Variants in ARHGAP21 observed in about 807,000 individuals in gnomAD.
The protein encoded by ARHGAP21 is rho GTPase-activating protein 21.
ARHGAP21 carries 38 observed loss-of-function variants against 164.6 expected under a neutral mutation model. The observed-to-expected ratio is 0.23, with a 90% CI of 0.18 to 0.30. The LOEUF (loss-of-function observed/expected upper bound fraction) is 0.30, where lower values mean the gene tolerates loss of function less well. Among genes scored for constraint, ARHGAP21 ranks in the 10% least tolerant of loss-of-function variants. The probability of loss-of-function intolerance (pLI) is 1.00; values close to 1 mark genes in which losing one functional copy is unlikely to be tolerated. For missense variants in ARHGAP21, 1,822 were observed against 2,370.7 expected (o/e 0.77, Z 4.81); for synonymous variants, 766 against 857.9 (o/e 0.89, Z 1.87).
intron 1 of ARHGAP21, 74 bp downstream of exon 1, chr10:24,723,488 G>T (rs1163663946): frequency 4.1e-5 from 6 of 147,238 alleles, no homozygotes; most frequent in Admixed American, 1.3e-4. Context: ...GAGAGCCCGC[G>T]GCAAGCCGGG....
chr10:24,701,755 G>A (rs1843691318), intron 2 of ARHGAP21, among the ~76,000 whole-genome samples: 1 of 152,172 alleles, frequency 6.6e-6, no homozygotes, highest in East Asian at 1.9e-4. Context: ...AGCCTCTGGT[G>A]GACTCTGGTA....
chr10:24,642,325 C>T (rs903157911), intron 4 of ARHGAP21, among the ~76,000 whole-genome samples: 2 of 151,792 alleles, frequency 1.3e-5, no homozygotes, highest in African/African-American at 4.8e-5. Context: ...ACCATCCTGG[C>T]TAACACGGTG....
intron 11 of ARHGAP21, among the ~76,000 whole-genome samples, chr10:24,606,732 T>C (rs1332810415): frequency 6.6e-6 from 1 of 152,108 alleles, no homozygotes; most frequent in Non-Finnish European, 1.5e-5. Context: ...TCCCAGCTAC[T>C]TGGGAGGCTG....
At chr10:24,597,726 T>C (rs2076645258) in intron 15 of ARHGAP21, 143 bp from the exon 16 acceptor site, 1 of 1,307,748 alleles carries the variant, frequency 7.6e-7, no homozygotes, top group African/African-American at 1.5e-5. Context: ...AATTTTGTAG[T>C]CCTGCCCAGA....
intron 2 of ARHGAP21, among the ~76,000 whole-genome samples, chr10:24,697,459 TC>T (rs1843273909): frequency 6.6e-6 from 1 of 152,172 alleles, no homozygotes; most frequent in Non-Finnish European, 1.5e-5. Flanking sequence ...TCCCCTCGTT[TC>T]CTTTCAGTTC....
chr10:24,612,885 T>G (rs1243077088), intron 9 of ARHGAP21, among the ~76,000 whole-genome samples: 4 of 137,548 alleles, frequency 2.9e-5, no homozygotes, highest in Non-Finnish European at 6.3e-5. Context: ...ATAAATAAAT[T>G]CAAATGTGAC....
intron 6 of ARHGAP21, 145 bp from the exon 7 acceptor site, chr10:24,630,195 C>T: frequency 2.1e-6 from 1 of 473,980 alleles, no homozygotes; most frequent in Non-Finnish European, 3.7e-6. Flanking sequence ...AAAATCAAAT[C>T]ATTAGAATGA....
chr10:24,702,680 C>T (rs1288386319), intron 2 of ARHGAP21, among the ~76,000 whole-genome samples: 2 of 151,958 alleles, frequency 1.3e-5, no homozygotes, highest in East Asian at 1.9e-4. Flanking sequence ...TCCACTTCCC[C>T]GGCTCAAGCA....
At chr10:24,590,541 A>AAAAC in intron 24 of ARHGAP21, 1 of 1,514,604 alleles carries the variant, frequency 6.6e-7, no homozygotes, top group Non-Finnish European at 8.8e-7. Context: ...CTTTAGGACT[A>AAAAC]AAACAAGAAC....
At chr10:24,719,211 T>C (rs907085497) in intron 2 of ARHGAP21, among the ~76,000 whole-genome samples, 3 of 151,990 alleles carry the variant, frequency 2.0e-5, no homozygotes, top group African/African-American at 7.3e-5. Context: ...AGTATATAAA[T>C]TCGTGTGAGT....
rs1459577203 is a variant in ARHGAP21 at position 24,655,928 on chromosome 10, C to T, written c.268+11057G>A. Among the ~76,000 whole-genome samples, 14 of 106,700 alleles carry T rather than the reference C, an allele frequency of 1.3e-4. 1 individual carries two copies. Among genetic ancestry groups the T allele is most frequent in the Middle Eastern group, 5.4e-3 (1 of 184 alleles). 70.0% of individuals were successfully genotyped at this position (106,700 alleles called of 152,430 possible). ...GAGACCCCGTCTGGGAGGTGAGGAG[C>T]GTCTCTGCCCGGCCACCCCGTCTGA... On this transcript the variant is annotated intron_variant, in intron 4 of 25. Coordinates refer to ENST00000396432, the MANE Select transcript of ARHGAP21 (RefSeq NM_020824.4).
chr10:24,607,993 A>T (rs1000695540), intron 9 of ARHGAP21, 90 bp from the exon 10 acceptor site: 1 of 1,289,152 alleles, frequency 7.8e-7, no homozygotes, highest in Non-Finnish European at 1.0e-6. Context: ...AGGGGGTCAG[A>T]TAAGGATTTT....
At chr10:24,683,882 T>G (rs1841999126) in intron 2 of ARHGAP21, among the ~76,000 whole-genome samples, 1 of 152,218 alleles carries the variant, frequency 6.6e-6, no homozygotes, top group Non-Finnish European at 1.5e-5. Flanking sequence ...ACTTCTCATT[T>G]TTCAGAAACA....
intron 4 of ARHGAP21, among the ~76,000 whole-genome samples, chr10:24,648,672 C>A (rs1837842552): frequency 6.6e-6 from 1 of 150,916 alleles, no homozygotes; most frequent in Non-Finnish European, 1.5e-5. Context: ...CCCAGCTACT[C>A]GGGAGGCTGA....
chr10:24,633,883 CTTTTTTTTTTTT>C (rs3073324), intron 5 of ARHGAP21, among the ~76,000 whole-genome samples: 7 of 75,456 alleles, frequency 9.3e-5, no homozygotes, highest in East Asian at 4.5e-4. Context: ...CTTTTTTTCT[CTTTTTTTTTTTT>C]TTTTTTTTTT....
rs775704365 is a variant in ARHGAP21, at chr10:24,629,941, T to C, written c.495+55A>G. 7.2e-6 allele frequency: 9 copies of C among 1,246,434 alleles called. No individual in the cohort carries two copies. In the African/African-American group the frequency reaches 1.4e-4, roughly 19 times the overall value. The allele number at this position is 1,246,434 out of a possible 1,614,324, so 77.2% of individuals were successfully genotyped here. On this transcript the variant is annotated intron_variant, in intron 7 of 25. Transcript: ENST00000396432. ...CTTTAATACTTCCATCTCAAAAATA[T>C]TTTCCGAACATTCATGACTGTAAAA...
At chr10:24,656,598 C>T (rs1429236821) in intron 4 of ARHGAP21, among the ~76,000 whole-genome samples, 2 of 101,472 alleles carry the variant, frequency 2.0e-5, no homozygotes, top group African/African-American at 8.3e-5. Flanking sequence ...AGCCAGCCGC[C>T]CCGTCTGGGA....
rs1836500330 is a variant in ARHGAP21, at chr10:24,637,495, C to T, written c.269-2392G>A. On this transcript the variant is annotated intron_variant, in intron 4 of 25. Transcript: ENST00000396432. The stretch of plus-strand genomic sequence containing the variant: ...GAAGAGACATTTTTCCTATTAATGT[C>T]TTCTAGTCCACTGTGTCTCAAAGGT... Among the ~76,000 whole-genome samples the T allele has an allele frequency of 2.0e-5, 3 of 152,140 alleles. No homozygotes were observed. In the South Asian group the frequency reaches 6.2e-4, roughly 32 times the overall value.
chr10:24,638,786 G>A (rs142899796), intron 4 of ARHGAP21, among the ~76,000 whole-genome samples: 1 of 152,090 alleles, frequency 6.6e-6, no homozygotes, highest in African/African-American at 2.4e-5. Context: ...TATATTTGTA[G>A]AAAAGAAGGT....
Sources: gnomAD v4.1 joint callset for allele counts (sites outside exome capture counted in the v4.1 genomes callset) on GRCh38, gnomAD v4.1.1 for gene constraint, MANE v1.5 for transcripts, NCBI Gene and HGNC (gene_info 2026-07-23, HGNC 2026-07-21) for gene names.